The following SRD5A1 variants were observed in gnomAD, a reference collection of about 807,000 sequenced individuals.
SRD5A1 encodes 3-oxo-5-alpha-steroid 4-dehydrogenase 1.
A neutral mutation model predicts 28.2 loss-of-function variants in SRD5A1; 22 were observed. The ratio of observed to expected loss-of-function variants is 0.78; its 90% CI spans 0.56 to 1.12. The LOEUF (loss-of-function observed/expected upper bound fraction) is 1.12. Ranked by LOEUF, SRD5A1 falls within the 50% of genes most tolerant of loss-of-function variation. SRD5A1 has a pLI of 0.00. For missense variants in SRD5A1, 300 were observed against 346.7 expected, an observed-to-expected ratio of 0.87 and a Z score of 1.07; for synonymous variants, 151 against 135.0, an observed-to-expected ratio of 1.12 and a Z score of -0.82.
chr5:6,659,605 G>A (rs1278804222), intron 3 of SRD5A1, among the ~76,000 whole-genome samples: 1 of 152,164 alleles, frequency 6.6e-6, no homozygotes, highest in Non-Finnish European at 1.5e-5. Flanking sequence ...CCGTTTGCAG[G>A]TACGCACCCT....
intron 4 of SRD5A1, 124 bp downstream of exon 4, chr5:6,663,090 C>A: frequency 8.0e-7 from 1 of 1,243,576 alleles, no homozygotes; most frequent in Non-Finnish European, 1.1e-6. Context: ...TGTGCTTTGG[C>A]CAAACAAGTA....
At chr5:6,647,577 A>G (rs569338167) in intron 1 of SRD5A1, among the ~76,000 whole-genome samples, 1 of 152,250 alleles carries the variant, frequency 6.6e-6, no homozygotes, top group South Asian at 2.1e-4. Flanking sequence ...GTTTTCTCAG[A>G]GACTAGGATT....
intron 3 of SRD5A1, among the ~76,000 whole-genome samples, chr5:6,658,937 C>T (rs1470407711): frequency 6.6e-6 from 1 of 151,752 alleles, no homozygotes; most frequent in Non-Finnish European, 1.5e-5. Context: ...CATAGCCAGA[C>T]TCCCATCTCC....
At chr5:6,663,046 G>T in intron 4 of SRD5A1, 80 bp downstream of exon 4, 1 of 1,540,850 alleles carries the variant, frequency 6.5e-7, no homozygotes, top group Non-Finnish European at 8.9e-7. Context: ...GATTTTTGAA[G>T]TGTTAATTTA....
In SRD5A1 at chr5:6,633,487, C is replaced by CG; in HGVS notation, c.-88dup. 7.4e-7 allele frequency: 1 copy of CG among 1,344,890 alleles called. No individual in the cohort carries two copies. The highest frequency in any genetic ancestry group is 9.6e-7 in the Non-Finnish European group (1 of 1,041,900). 83.3% of individuals were successfully genotyped at this position (1,344,890 alleles called of 1,614,324 possible). ...TGCGGGACTCCGGTAGCCGCCCCTC[C>CG]GGTAGCCGCCCCTCCTGCCCCCGCG... On this transcript the variant is annotated 5_prime_UTR_variant, in exon 1 of 5. Coordinates refer to ENST00000274192, the MANE Select transcript of SRD5A1 (RefSeq NM_001047.4).
intron 1 of SRD5A1, among the ~76,000 whole-genome samples, chr5:6,639,974 A>T (rs531319920): frequency 2.2e-4 from 34 of 152,386 alleles, no homozygotes; most frequent in Non-Finnish European, 3.4e-4. Flanking sequence ...ACATACACAT[A>T]CAACATCTTG....
intron 4 of SRD5A1, among the ~76,000 whole-genome samples, chr5:6,667,558 C>T (rs1739222599): frequency 6.6e-6 from 1 of 152,166 alleles, no homozygotes; most frequent in East Asian, 1.9e-4. Flanking sequence ...ATTTTTACTC[C>T]ATGCACTTAG....
At chr5:6,648,275 G>A (rs181671931) in intron 1 of SRD5A1, among the ~76,000 whole-genome samples, 12 of 112,232 alleles carry the variant, frequency 1.1e-4, no homozygotes, top group African/African-American at 3.7e-4. Context: ...CTCTCCTCGA[G>A]GAGTATCTTT....
At chr5:6,668,107 T>C (rs1739241621) in intron 4 of SRD5A1, 95 bp from the exon 5 acceptor site, 1 of 749,150 alleles carries the variant, frequency 1.3e-6, no homozygotes, top group Non-Finnish European at 2.1e-6. Context: ...AAAAACTGAG[T>C]ACTCTTTTGT....
chr5:6,658,939 C>T (rs1738910546), intron 3 of SRD5A1, among the ~76,000 whole-genome samples: 1 of 151,646 alleles, frequency 6.6e-6, no homozygotes, highest in Non-Finnish European at 1.5e-5. Context: ...TAGCCAGACT[C>T]CCATCTCCAC....
intron 4 of SRD5A1, among the ~76,000 whole-genome samples, chr5:6,664,298 A>G (rs1254646317): frequency 6.6e-6 from 1 of 152,242 alleles, no homozygotes; most frequent in African/African-American, 2.4e-5. Flanking sequence ...GATATGGTAT[A>G]GTGGGAAGAG....
intron 1 of SRD5A1, among the ~76,000 whole-genome samples, chr5:6,639,646 T>C (rs1404594715): frequency 6.6e-6 from 1 of 152,240 alleles, no homozygotes; most frequent in Non-Finnish European, 1.5e-5. Context: ...TGCTTGTTTA[T>C]TAATTTCGCC....
chr5:6,644,455 A>G (rs1415383150), intron 1 of SRD5A1, among the ~76,000 whole-genome samples: 1 of 152,204 alleles, frequency 6.6e-6, no homozygotes, highest in Admixed American at 6.5e-5. Context: ...GTGGGAAATA[A>G]CTTGAGGCCG....
chr5:6,667,294 T>C (rs1739213950), intron 4 of SRD5A1, among the ~76,000 whole-genome samples: 1 of 152,186 alleles, frequency 6.6e-6, no homozygotes, highest in African/African-American at 2.4e-5. Context: ...TACATGCCTT[T>C]TTGGGGACAC....
intron 3 of SRD5A1, 37 bp downstream of exon 3, chr5:6,656,216 C>T: frequency 6.4e-7 from 1 of 1,553,488 alleles, no homozygotes; most frequent in Non-Finnish European, 8.9e-7. Flanking sequence ...GTGAAAGTTG[C>T]TTGCCATGGT....
intron 1 of SRD5A1, among the ~76,000 whole-genome samples, chr5:6,634,549 A>G (rs977889909): frequency 1.3e-5 from 2 of 152,038 alleles, no homozygotes; most frequent in African/African-American, 4.8e-5. Flanking sequence ...CTCCCAGCCA[A>G]GTGATCAGCT....
At chr5:6,643,035 G>GTTT (rs35377021) in intron 1 of SRD5A1, among the ~76,000 whole-genome samples, 8 of 149,716 alleles carry the variant, frequency 5.3e-5, no homozygotes, top group Middle Eastern at 6.9e-3. Context: ...TTTGTAATTT[G>GTTT]TTTTTTTTTT....
chr5:6,656,066 T>G lies in SRD5A1; in HGVS notation c.461-12T>G. 6.2e-7 allele frequency: 1 copy of G among 1,610,992 alleles called. No homozygotes were observed. Among genetic ancestry groups the G allele is most frequent in the Non-Finnish European group, 8.5e-7 (1 of 1,177,330 alleles). ...TATTAGCCATAATCATCTTGCAATT[T>G]TTTTCCTTTAGGTTTTGGCTTGTGG... is the stretch of plus-strand genomic sequence containing the variant. On this transcript the variant is annotated splice_polypyrimidine_tract_variant and intron_variant, in intron 2 of 4. Transcript: ENST00000274192.
At chr5:6,668,146 A>G (rs570637936) in intron 4 of SRD5A1, 56 bp from the exon 5 acceptor site, 5 of 1,102,828 alleles carry the variant, frequency 4.5e-6, no homozygotes, top group South Asian at 1.5e-5. Context: ...TTTTGTTAGC[A>G]TTGGTTAAAT....
Sources: gnomAD v4.1 joint callset for allele counts (sites outside exome capture counted in the v4.1 genomes callset) on GRCh38, gnomAD v4.1.1 for gene constraint, MANE v1.5 for transcripts, NCBI Gene and HGNC (gene_info 2026-07-23, HGNC 2026-07-21) for gene names.